Variants in EIF3F observed in about 807,000 individuals in gnomAD.
EIF3F encodes the protein eukaryotic translation initiation factor 3 subunit F.
In EIF3F, 8 loss-of-function variants were observed where a neutral mutation model predicts 36.0. The ratio of observed to expected loss-of-function variants is 0.22; its 90% CI spans 0.13 to 0.40. The LOEUF (loss-of-function observed/expected upper bound fraction) is 0.40. Among genes scored for constraint, EIF3F ranks in the 10% least tolerant of loss-of-function variants. The pLI, the probability that EIF3F is intolerant of heterozygous loss-of-function variation, is 1.00. For missense variants in EIF3F, 430 were observed against 467.6 expected (o/e 0.92, Z 0.74); for synonymous variants, 184 against 188.5 (o/e 0.98, Z 0.19).
At chr11:7,993,863 A>AAT (rs34225467) in intron 4 of EIF3F, among the ~76,000 whole-genome samples, 18,338 of 151,760 alleles carry the variant, frequency 0.12, 1,206 homozygotes, top group Non-Finnish European at 0.14. Context: ...CAGTATATAC[A>AAT]ATATATATAT....
chr11:7,991,842 A>G lies in EIF3F; in HGVS notation c.426A>G (p.Ser142=), dbSNP rs1942098888. The change falls in exon 2 of 8, where the codon TCA becomes TCG. Residue 142 remains serine, a synonymous_variant. Coordinates refer to ENST00000651655, the MANE Select transcript of EIF3F (RefSeq NM_003754.3). ...GCTTTTCAGTGCCGCACAATGAGTC[A>G]GAAGATGAAGTGAGTGGGAATCCAA... is the stretch of plus-strand genomic sequence containing the variant. ...TNCFSVPHNE[S]EDEVAVDMEF... 1.9e-6 allele frequency: 3 copies of G among 1,614,096 alleles called. No individual in the cohort carries two copies. The African/African-American group carries it at 4.0e-5, about 22-fold the overall frequency.
intron 3 of EIF3F, chr11:7,992,415 T>G (rs961104342): frequency 1.4e-5 from 7 of 515,630 alleles, no homozygotes; most frequent in African/African-American, 3.8e-5. Flanking sequence ...AAAACATTTT[T>G]TAAAAACTTA....
In EIF3F at chr11:7,993,000, G is replaced by A. The variant is rs371389618; in HGVS notation, c.629G>A (p.Arg210His). ...GTGGACACAAGTCTCCAGAACGGCC[G>A]CATGAGCATCAAAGCCTACGTCAGG... The part of the protein sequence containing the change: ...LTVDTSLQNG[R>H]MSIKAYVSTL... The change falls in exon 4 of 8, where the codon CGC becomes CAC. Residue 210 changes from arginine (R) to histidine (H), a missense_variant. By Grantham distance (29) the Arg-to-His change is conservative (BLOSUM62 0). This residue lies in a region of EIF3F where 262 missense variants were observed against 347.4 expected (regional missense o/e 0.75). Transcript: ENST00000651655. 1.6e-5 allele frequency: 25 copies of A among 1,605,418 alleles called. 1 individual carries two copies. Among genetic ancestry groups the A allele is most frequent in the South Asian group, 1.1e-4 (10 of 89,936 alleles).
At chr11:7,995,654 GAAAAT>G in intron 7 of EIF3F, 2 of 581,176 alleles carry the variant, frequency 3.4e-6, no homozygotes, top group South Asian at 4.3e-5. Flanking sequence ...AGAGGTTAAT[GAAAAT>G]GCAATTACTT....
chr11:7,987,344 C>T lies in EIF3F; in HGVS notation c.-9C>T, dbSNP rs771964348. ...CATTTCCGCTTCCGCCTCCTTCTTT[C>T]TCGACAAGATGGCCACACCGGCGGT... On this transcript the variant is annotated 5_prime_UTR_variant, in exon 1 of 8. Coordinates refer to ENST00000651655, the MANE Select transcript of EIF3F (RefSeq NM_003754.3). 5 of 1,589,044 alleles carry T rather than the reference C, an allele frequency of 3.1e-6. No homozygotes were observed. Among genetic ancestry groups the T allele is most frequent in the Admixed American group, 1.7e-5 (1 of 58,816 alleles).
intron 5 of EIF3F, 197 bp downstream of exon 5, chr11:7,994,714 G>T: frequency 1.5e-6 from 1 of 686,822 alleles, no homozygotes; most frequent in South Asian, 2.0e-5. Context: ...TTAAAGGTGG[G>T]AAATGATCAG....
Position 7,995,255 on chromosome 11 carries a change from C to G in EIF3F, c.884C>G (p.Ser295Cys), listed in dbSNP as rs1942147392. ...TVLQYAEDVL[S>C]GKVSADNTVG... is the part of the protein sequence containing the mutation. ...TCGAGTCTTTGTTTTGGTACTCAGT[C>G]TGGAAAGGTGTCAGCTGACAATACT... Residue 295 changes from serine (S) to cysteine (C), a missense_variant and splice_region_variant, in exon 7 of 8, where the codon TCT (serine) becomes TGT (cysteine). Ser to Cys is a moderately radical substitution (Grantham distance 112, BLOSUM62 -1). This residue lies in a region of EIF3F where 262 missense variants were observed against 347.4 expected (regional missense o/e 0.75). Coordinates refer to ENST00000651655, the MANE Select transcript of EIF3F (RefSeq NM_003754.3). The G allele has an allele frequency of 6.2e-7, 1 of 1,613,634 alleles. No individual in the cohort carries two copies. The highest frequency in any genetic ancestry group is 8.5e-7 in the Non-Finnish European group (1 of 1,179,756).
intron 3 of EIF3F, chr11:7,992,461 A>G: frequency 2.2e-6 from 1 of 448,298 alleles, no homozygotes; most frequent in South Asian, 2.5e-5. Context: ...AGTCCTAGCT[A>G]TTCAGGAGGC....
At position 7,987,407 on chromosome 11, in the gene EIF3F, C is replaced by A. The variant is rs139608264; in HGVS notation, c.55C>A (p.Pro19Thr). The change falls in exon 1 of 8, where the codon CCG becomes ACG. Residue 19 changes from proline to threonine, a missense_variant. Physicochemically the swap from Pro to Thr is conservative, Grantham distance 38 (BLOSUM62 -1). Coordinates refer to ENST00000651655, the MANE Select transcript of EIF3F (RefSeq NM_003754.3). The stretch of plus-strand genomic sequence containing the variant: ...TCCTCCGGCCACGCCAACCCCAGTC[C>A]CGGCGGCGGCCCCAGCCTCAGTTCC... ...SAPPATPTPVPAAAPASVPAP... is the reference protein window; with the variant it reads ...SAPPATPTPVTAAAPASVPAP... The A allele has an allele frequency of 1.2e-6, 2 of 1,600,750 alleles. No homozygotes were observed.
chr11:7,991,547 G>A (rs994815789), intron 1 of EIF3F, among the ~76,000 whole-genome samples: 6 of 152,168 alleles, frequency 3.9e-5, no homozygotes, highest in Non-Finnish European at 8.8e-5. Context: ...ACCTTGTAAA[G>A]GAAGAATAAA....
chr11:7,993,931 C>T (rs1942130461), intron 4 of EIF3F, among the ~76,000 whole-genome samples: 1 of 151,850 alleles, frequency 6.6e-6, no homozygotes, highest in South Asian at 2.1e-4. Context: ...ATATAGTTGA[C>T]ATAGTAAAGT....
At position 7,993,553 on chromosome 11, in the gene EIF3F, G is replaced by A. The variant is rs1347634070; in HGVS notation, c.653+529G>A. Among the ~76,000 whole-genome samples, 2 of 152,164 alleles carry A rather than the reference G, an allele frequency of 1.3e-5. 1 individual carries two copies. The highest frequency in any genetic ancestry group is 4.8e-5 in the African/African-American group (2 of 41,426). Reference sequence around the variant, plus strand: ...AGGTGGTTAAAATGCCAGTTATGGGGGATGTTGGGAAAGGCCCTGGTGGCA... The same window carrying A: ...AGGTGGTTAAAATGCCAGTTATGGGAGATGTTGGGAAAGGCCCTGGTGGCA... On this transcript the variant is annotated intron_variant, in intron 4 of 7. Coordinates refer to ENST00000651655, the MANE Select transcript of EIF3F (RefSeq NM_003754.3).
chr11:7,992,846 C>A (rs1208525126), intron 3 of EIF3F, 41 bp from the exon 4 acceptor site: 2 of 1,612,548 alleles, frequency 1.2e-6, no homozygotes, highest in African/African-American at 2.7e-5. Flanking sequence ...ATATTGACGC[C>A]ACATATAGAC....
rs1167709728 is a variant in EIF3F, at chr11:7,998,927, T to C, written c.*2905T>C. On this transcript the variant is annotated 3_prime_UTR_variant, in exon 8 of 8. Coordinates refer to ENST00000651655, the MANE Select transcript of EIF3F (RefSeq NM_003754.3). Reference sequence around the variant, plus strand: ...GTTATTACTTAGCGTTATTCTAGACTTATTAGCCATTGTATTTAAACAAGA... The same window carrying C: ...GTTATTACTTAGCGTTATTCTAGACCTATTAGCCATTGTATTTAAACAAGA... The C allele has an allele frequency of 6.6e-6, 1 of 152,152 alleles. No individual in the cohort carries two copies. The highest frequency in any genetic ancestry group is 1.5e-5 in the Non-Finnish European group (1 of 68,028). The allele number at this position is 152,152 out of a possible 1,614,324, so 9.4% of individuals were successfully genotyped here.
intron 3 of EIF3F, 23 bp from the exon 4 acceptor site, chr11:7,992,864 C>T: frequency 6.2e-7 from 1 of 1,613,582 alleles, no homozygotes; most frequent in Non-Finnish European, 8.5e-7. Flanking sequence ...GACAGGAGTC[C>T]ACCACTGTGT....
chr11:7,995,992 T>C lies in EIF3F; in HGVS notation c.1044T>C (p.Ile348=). 6.2e-7 allele frequency: 1 copy of C among 1,613,926 alleles called. No homozygotes were observed. Among genetic ancestry groups the C allele is most frequent in the South Asian group, 1.1e-5 (1 of 91,070 alleles). ...TGGCCAACCTCACACAGTCACAGAT[T>C]GCACTCAATGAAAAACTTGTAAACC... ...TYLANLTQSQ[I]ALNEKLVNL is the part of the protein sequence containing the mutation. The change falls in exon 8 of 8, where the codon ATT becomes ATC. Residue 348 remains isoleucine (I), a synonymous_variant. Coordinates refer to ENST00000651655, the MANE Select transcript of EIF3F (RefSeq NM_003754.3).
intron 6 of EIF3F, 46 bp downstream of exon 6, chr11:7,995,164 TC>T: frequency 6.2e-7 from 1 of 1,609,372 alleles, no homozygotes; most frequent in Non-Finnish European, 8.5e-7. Flanking sequence ...TAGTTCTCTA[TC>T]CTGGGATCAC....
In EIF3F at chr11:7,987,344, C is replaced by G. The variant is rs771964348; in HGVS notation, c.-9C>G. On this transcript the variant is annotated 5_prime_UTR_variant, in exon 1 of 8. Coordinates refer to ENST00000651655, the MANE Select transcript of EIF3F (RefSeq NM_003754.3). Reference sequence around the variant, plus strand: ...CATTTCCGCTTCCGCCTCCTTCTTTCTCGACAAGATGGCCACACCGGCGGT... The same window carrying G: ...CATTTCCGCTTCCGCCTCCTTCTTTGTCGACAAGATGGCCACACCGGCGGT... 1 of 1,589,162 alleles carries G rather than the reference C, an allele frequency of 6.3e-7. No homozygotes were observed. The highest frequency in any genetic ancestry group is 8.5e-7 in the Non-Finnish European group (1 of 1,174,064).
intron 1 of EIF3F, among the ~76,000 whole-genome samples, chr11:7,991,023 C>T (rs368954754): frequency 5.9e-5 from 9 of 151,760 alleles, no homozygotes; most frequent in South Asian, 2.1e-4. Flanking sequence ...GGTGAAACCC[C>T]GTCTCTAGTA....
Sources: allele counts gnomAD v4.1 joint callset (sites outside exome capture counted in the v4.1 genomes callset), GRCh38; gene constraint gnomAD v4.1.1; regional missense constraint gnomAD v4.1.1; transcripts MANE v1.5; gene names NCBI Gene and HGNC (gene_info 2026-07-23, HGNC 2026-07-21).